TNRC6C: variants seen among roughly 807,000 people sequenced by gnomAD.
TNRC6C encodes the protein trinucleotide repeat containing adaptor 6C.
In TNRC6C, 20 loss-of-function variants were observed where a neutral mutation model predicts 153.7. The ratio of observed to expected loss-of-function variants is 0.13; its 90% CI spans 0.09 to 0.19. The LOEUF is 0.19. Among genes scored for constraint, TNRC6C ranks in the 10% least tolerant of loss-of-function variants. The pLI is 1.00. For missense variants in TNRC6C, 1,987 were observed against 2,172.0 expected, an observed-to-expected ratio of 0.91 and a Z score of 1.69; for synonymous variants, 811 against 841.4, an observed-to-expected ratio of 0.96 and a Z score of 0.63.
At chr17:78,050,777 G>A in exon 3 of TNRC6C, 2 of 1,605,994 alleles carry the variant, frequency 1.2e-6, no homozygotes, top group Non-Finnish European at 1.7e-6. Flanking sequence ...CCCACCTGGG[G>A]TGAGCCTCCA....
At chr17:78,077,483 C>T in intron 9 of TNRC6C, 149 bp downstream of exon 11, 1 of 985,296 alleles carries the variant, frequency 1.0e-6, no homozygotes, top group East Asian at 2.6e-5. Flanking sequence ...CAGGATTTCC[C>T]TTCAGGTGAC....
rs1207183947 is a variant in TNRC6C at position 78,079,954 on chromosome 17, G to C, written c.3357+413G>C. ...AGTGACACGCTGTAGTATTGCTGAGGATGTAAAAGAAACCCTTAGAAGCAG... is the reference window on the plus strand; with the variant it reads ...AGTGACACGCTGTAGTATTGCTGAGCATGTAAAAGAAACCCTTAGAAGCAG... On this transcript the variant is annotated intron_variant, in intron 10 of 19. Transcript: ENST00000301624. This position sits in a 1 kb window ranked among gnomAD's most constrained non-coding sequence, Gnocchi z 4.3. 6.6e-6 allele frequency among the ~76,000 whole-genome samples: 1 copy of C among 152,156 alleles called. No homozygotes were observed. Among genetic ancestry groups the C allele is most frequent in the Admixed American group, 6.5e-5 (1 of 15,272 alleles).
intron 1 of TNRC6C, among the ~76,000 whole-genome samples, chr17:77,986,037 C>T (rs1423330521): frequency 6.6e-6 from 1 of 152,158 alleles, no homozygotes; most frequent in Non-Finnish European, 1.5e-5. Flanking sequence ...AGGCAATCCA[C>T]AGGATATTTG....
At chr17:77,980,661 T>G (rs1040428946) in intron 1 of TNRC6C, among the ~76,000 whole-genome samples, 1 of 152,302 alleles carries the variant, frequency 6.6e-6, no homozygotes, top group East Asian at 1.9e-4. Context: ...CTGTCCCTCC[T>G]TGAGACACCA....
intron 2 of TNRC6C, among the ~76,000 whole-genome samples, chr17:78,041,528 A>T (rs1015943705): frequency 7.9e-5 from 12 of 152,170 alleles, no homozygotes; most frequent in Admixed American, 7.9e-4. Context: ...TTTGGACACT[A>T]TTTGTGTTTC....
chr17:77,981,410 C>G (rs909272149), intron 1 of TNRC6C, among the ~76,000 whole-genome samples: 5 of 152,310 alleles, frequency 3.3e-5, no homozygotes, highest in African/African-American at 1.2e-4. Context: ...GACCAGCCCC[C>G]ATCCTGAAGC....
exon 3 of TNRC6C, chr17:78,050,207 T>G (rs781742093): frequency 6.5e-7 from 1 of 1,539,432 alleles, no homozygotes; most frequent in East Asian, 2.3e-5. Flanking sequence ...GGTGAACACA[T>G]GAACTCCTGG....
upstream of TNRC6C, among the ~76,000 whole-genome samples, chr17:78,003,314 T>G (rs2071441617): frequency 6.6e-6 from 1 of 152,030 alleles, no homozygotes; most frequent in Admixed American, 6.5e-5. Flanking sequence ...GGCTTTCAGA[T>G]CAGAGAGTAT....
rs1416362991 is a variant in TNRC6C, at chr17:78,075,675, C to T, written c.3060+397C>T. Among the ~76,000 whole-genome samples, 1 of 152,130 alleles carries T rather than the reference C, an allele frequency of 6.6e-6. No homozygotes were observed. The highest frequency in any genetic ancestry group is 1.5e-5 in the Non-Finnish European group (1 of 68,022). Reference sequence around the variant, plus strand: ...GGGATTGGAAGTGGTGGGGCTTGGGCACCCATCTCTGGCTGGCCCTTGTCA... The same window carrying T: ...GGGATTGGAAGTGGTGGGGCTTGGGTACCCATCTCTGGCTGGCCCTTGTCA... On this transcript the variant is annotated intron_variant, in intron 8 of 19. Coordinates refer to ENST00000301624, the Ensembl canonical transcript of TNRC6C. The surrounding 1 kb of genome is among the most constrained non-coding windows in gnomAD (Gnocchi z 4.2).
chr17:78,002,606 G>T (rs2071429941), upstream of TNRC6C, among the ~76,000 whole-genome samples: 1 of 152,128 alleles, frequency 6.6e-6, no homozygotes, highest in South Asian at 2.1e-4. Context: ...TAAAGCTATT[G>T]TTCAGGCTGG....
chr17:78,086,394 A>T, intron 11 of TNRC6C, 109 bp from the exon 14 acceptor site: 1 of 600,346 alleles, frequency 1.7e-6, no homozygotes, highest in Non-Finnish European at 2.9e-6. Flanking sequence ...GGCCAAGAAG[A>T]GTGGCTAGGT....
intron 2 of TNRC6C, among the ~76,000 whole-genome samples, chr17:78,047,515 T>C (rs2072435894): frequency 6.6e-6 from 1 of 152,228 alleles, no homozygotes; most frequent in South Asian, 2.1e-4. Flanking sequence ...TAGGTTGATA[T>C]TAGCTTTAGT....
chr17:77,963,824 T>C (rs1159992939), intron 1 of TNRC6C, among the ~76,000 whole-genome samples: 2 of 152,226 alleles, frequency 1.3e-5, no homozygotes, highest in African/African-American at 4.8e-5. Context: ...TAAAATATAG[T>C]AGTGATTAAG....
At chr17:77,967,216 T>G (rs2070904230) in intron 1 of TNRC6C, among the ~76,000 whole-genome samples, 1 of 152,218 alleles carries the variant, frequency 6.6e-6, no homozygotes, top group African/African-American at 2.4e-5. Context: ...TCAGCACATT[T>G]CCTTGCAGAT....
intron 1 of TNRC6C, among the ~76,000 whole-genome samples, chr17:78,028,725 T>A (rs557416791): frequency 6.6e-6 from 1 of 152,354 alleles, no homozygotes; most frequent in South Asian, 2.1e-4. Flanking sequence ...TATTTTTTAA[T>A]GTTTCTTCTA....
chr17:78,031,849 A>T lies in TNRC6C; in HGVS notation c.-219+7A>T, dbSNP rs1246858795. ...CCCAGTAAGCTCCAACCAGGTAAAA[A>T]CCACATAGGATGAGACATTGTTTTG... On this transcript the variant is annotated splice_region_variant and intron_variant, in intron 2 of 19. Coordinates refer to ENST00000301624, the Ensembl canonical transcript of TNRC6C. The T allele has an allele frequency of 1.6e-6, 2 of 1,231,998 alleles. No homozygotes were observed. Among genetic ancestry groups the T allele is most frequent in the Admixed American group, 4.2e-5 (1 of 23,706 alleles). 76.3% of individuals were successfully genotyped at this position (1,231,998 alleles called of 1,614,324 possible). A position where few individuals can be genotyped will look rare whatever the true frequency, so the allele number is the denominator to read the frequency against.
intron 11 of TNRC6C, among the ~76,000 whole-genome samples, chr17:78,083,929 C>T (rs1278677371): frequency 6.6e-6 from 1 of 152,108 alleles, no homozygotes; most frequent in Non-Finnish European, 1.5e-5. Context: ...TTATTTCATT[C>T]TTTAATGTGG....
In TNRC6C at chr17:78,104,249, C is replaced by T. The variant is rs975336057; in HGVS notation, c.4713-236C>T. ...ATGACACTGACCCTAAACGAGCCCA[C>T]ATTTAATGATCTGTTCACGCACTTG... On this transcript the variant is annotated intron_variant, in intron 19 of 19. Transcript: ENST00000301624. This position sits in a 1 kb window ranked among gnomAD's most constrained non-coding sequence, Gnocchi z 6.2. Among the ~76,000 whole-genome samples the T allele has an allele frequency of 2.0e-5, 3 of 152,216 alleles. No homozygotes were observed. Among genetic ancestry groups the T allele is most frequent in the Non-Finnish European group, 2.9e-5 (2 of 68,038 alleles).
chr17:78,019,829 A>T (rs183361266), intron 1 of TNRC6C, among the ~76,000 whole-genome samples: 2 of 152,326 alleles, frequency 1.3e-5, no homozygotes, highest in East Asian at 3.9e-4. Context: ...TCTGTGAGGT[A>T]TGGCCCTAGA....
Sources: gnomAD v4.1 joint callset for allele counts (sites outside exome capture counted in the v4.1 genomes callset) on GRCh38, gnomAD v4.1.1 for gene constraint, Gnocchi (gnomAD v3.1) non-coding constraint, MANE v1.5 for transcripts, NCBI Gene and HGNC (gene_info 2026-07-23, HGNC 2026-07-21) for gene names.